KIRREL3: variants seen among roughly 807,000 people sequenced by gnomAD.
KIRREL3 encodes kin of IRRE-like protein 3.
In KIRREL3, 36 loss-of-function variants were observed where a neutral mutation model predicts 89.7. The observed-to-expected ratio is 0.40, with a 90% CI of 0.31 to 0.53. KIRREL3 has a LOEUF of 0.53. KIRREL3 is among the 20% of genes least tolerant of loss of function. The pLI is 0.49. For missense variants in KIRREL3, 864 were observed against 1,056.6 expected (o/e 0.82, Z 2.53); for synonymous variants, 445 against 441.4 (o/e 1.01, Z -0.10).
At position 126,788,075 on chromosome 11, in the gene KIRREL3, G is replaced by A. The variant is rs562707989; in HGVS notation, c.55+212380C>T. Reference sequence around the variant, plus strand: ...TGATCCATGACCAACTTGGTAGCCCGGCTCTGGAGCCCATACTCTTAGCCA... The same window carrying A: ...TGATCCATGACCAACTTGGTAGCCCAGCTCTGGAGCCCATACTCTTAGCCA... On this transcript the variant is annotated intron_variant, in intron 1 of 16. Transcript: ENST00000525144. This position sits in a 1 kb window ranked among gnomAD's most constrained non-coding sequence, Gnocchi z 4.1. Among the ~76,000 whole-genome samples, 4 of 152,246 alleles carry A rather than the reference G, an allele frequency of 2.6e-5. No homozygotes were observed. The highest frequency in any genetic ancestry group is 1.9e-4 in the East Asian group (1 of 5,182).
chr11:126,861,498 G>A (rs1195369745), intron 1 of KIRREL3, among the ~76,000 whole-genome samples: 2 of 152,170 alleles, frequency 1.3e-5, no homozygotes, highest in East Asian at 1.9e-4. Flanking sequence ...GAACCTACAC[G>A]GTAGCCAGTT....
Position 126,772,023 on chromosome 11 carries a change from C to T in KIRREL3, c.56-209111G>A, listed in dbSNP as rs1950034236. Among the ~76,000 whole-genome samples, 1 of 152,192 alleles carries T rather than the reference C, an allele frequency of 6.6e-6. No homozygotes were observed. Among genetic ancestry groups the T allele is most frequent in the South Asian group, 2.1e-4 (1 of 4,826 alleles). ...TGTCTGAGGTAGAGGAGAGGAGGCA[C>T]TGTCGGGAAACCATGACCTTTCCAC... On this transcript the variant is annotated intron_variant, in intron 1 of 16. Transcript: ENST00000525144. The surrounding 1 kb of genome is among the most constrained non-coding windows in gnomAD (Gnocchi z 4.6).
Position 126,508,508 on chromosome 11 carries a change from C to T in KIRREL3, c.433+12807G>A, listed in dbSNP as rs534382019. On this transcript the variant is annotated intron_variant, in intron 4 of 16. Transcript: ENST00000525144. This position sits in a 1 kb window ranked among gnomAD's most constrained non-coding sequence, Gnocchi z 4.9. Reference sequence around the variant, plus strand: ...GAAGCCTTGGGTTTGCTCTTCGAGCCGACTCCCCGATTCCATGAGCCCTGG... The same window carrying T: ...GAAGCCTTGGGTTTGCTCTTCGAGCTGACTCCCCGATTCCATGAGCCCTGG... Among the ~76,000 whole-genome samples the T allele has an allele frequency of 1.3e-5, 2 of 152,170 alleles. No individual in the cohort carries two copies. The highest frequency in any genetic ancestry group is 1.9e-4 in the East Asian group (1 of 5,164).
rs926093461 is a variant in KIRREL3 at position 126,904,156 on chromosome 11, C to T, written c.55+96299G>A. ...AAAAACTGCCTCACTCTAAGAGAAC[C>T]ATACCCTTTGAAGCCTCTTTTTAAC... On this transcript the variant is annotated intron_variant, in intron 1 of 16. Coordinates refer to ENST00000525144, the MANE Select transcript of KIRREL3 (RefSeq NM_032531.4). This position sits in a 1 kb window ranked among gnomAD's most constrained non-coding sequence, Gnocchi z 4.4. 6.6e-6 allele frequency among the ~76,000 whole-genome samples: 1 copy of T among 152,184 alleles called. No individual in the cohort carries two copies. The highest frequency in any genetic ancestry group is 2.4e-5 in the African/African-American group (1 of 41,448).
At chr11:126,902,850 C>G (rs1194737260) in intron 1 of KIRREL3, among the ~76,000 whole-genome samples, 1 of 152,166 alleles carries the variant, frequency 6.6e-6, no homozygotes, top group Non-Finnish European at 1.5e-5. Context: ...AATCACATTT[C>G]CTTCTGAGGC....
chr11:126,445,886 C>T (rs370070463), intron 9 of KIRREL3, among the ~76,000 whole-genome samples: 26 of 152,282 alleles, frequency 1.7e-4, no homozygotes, highest in African/African-American at 4.6e-4. Context: ...CGGTGGCTCA[C>T]GCCTGTAATC....
chr11:126,910,661 C>T (rs779964308), intron 1 of KIRREL3, among the ~76,000 whole-genome samples: 2 of 152,198 alleles, frequency 1.3e-5, no homozygotes, highest in Non-Finnish European at 2.9e-5. Context: ...AGTTTCTCCA[C>T]CCCTTTAGGA....
At chr11:126,889,516 G>GA (rs754432201) in intron 1 of KIRREL3, among the ~76,000 whole-genome samples, 1 of 152,030 alleles carries the variant, frequency 6.6e-6, no homozygotes, top group South Asian at 2.1e-4. Flanking sequence ...AAAAGGAGAA[G>GA]AAAAAAAGTC....
chr11:126,848,379 T>C (rs910410800), intron 1 of KIRREL3, among the ~76,000 whole-genome samples: 1 of 152,232 alleles, frequency 6.6e-6, no homozygotes, highest in African/African-American at 2.4e-5. Context: ...AAAATTATGT[T>C]TCAAGAACTA....
chr11:126,586,740 G>T (rs111813368), intron 1 of KIRREL3, among the ~76,000 whole-genome samples: 1 of 151,954 alleles, frequency 6.6e-6, no homozygotes, highest in East Asian at 1.9e-4. Flanking sequence ...TTGAAGTAGC[G>T]GATACAAGGT....
In KIRREL3 at chr11:126,486,734, G is replaced by A. The variant is rs1957370820; in HGVS notation, c.434-13268C>T. 6.6e-6 allele frequency among the ~76,000 whole-genome samples: 1 copy of A among 152,220 alleles called. No homozygotes were observed. The highest frequency in any genetic ancestry group is 1.5e-5 in the Non-Finnish European group (1 of 68,032). On this transcript the variant is annotated intron_variant, in intron 4 of 16. Coordinates refer to ENST00000525144, the MANE Select transcript of KIRREL3 (RefSeq NM_032531.4). The surrounding 1 kb of genome is among the most constrained non-coding windows in gnomAD (Gnocchi z 6.2). ...TTGGGGCAAGTCACGCAACTGGCAA[G>A]GACTCTGGCTCAGATCCTGCTGCCC...
At position 126,956,543 on chromosome 11, in the gene KIRREL3, T is replaced by A. The variant is rs527791380; in HGVS notation, c.55+43912A>T. Among the ~76,000 whole-genome samples, 20 of 152,296 alleles carry A rather than the reference T, an allele frequency of 1.3e-4. No individual in the cohort carries two copies. In the South Asian group the frequency reaches 3.9e-3, roughly 30 times the overall value. ...CTGGAGAGGAAGTTTTCTTTAGAAA[T>A]ATCCACAAGAAGCAGCAGCCCAAGG... On this transcript the variant is annotated intron_variant, in intron 1 of 16. Transcript: ENST00000525144.
intron 1 of KIRREL3, among the ~76,000 whole-genome samples, chr11:126,855,708 T>C (rs1464544315): frequency 7.2e-5 from 11 of 152,240 alleles, no homozygotes; most frequent in Non-Finnish European, 7.3e-5. Context: ...TTTCCAGTCC[T>C]GAGAGCTTAT....
chr11:126,739,779 T>C lies in KIRREL3; in HGVS notation c.56-176867A>G, dbSNP rs543938209. ...AGCCAACACTGCAAATCAGGCAGCA[T>C]GTATCAGAGTTTAAAAACCTCAGGG... is the stretch of plus-strand genomic sequence containing the variant. On this transcript the variant is annotated intron_variant, in intron 1 of 16. Transcript: ENST00000525144. The surrounding 1 kb of genome is among the most constrained non-coding windows in gnomAD (Gnocchi z 5.5). Among the ~76,000 whole-genome samples the C allele has an allele frequency of 1.3e-5, 2 of 152,298 alleles. No homozygotes were observed. Among genetic ancestry groups the C allele is most frequent in the East Asian group, 3.9e-4 (2 of 5,182 alleles).
intron 1 of KIRREL3, among the ~76,000 whole-genome samples, chr11:126,863,473 G>GCGTGTGTA (rs1944792960): frequency 1.1e-5 from 1 of 88,652 alleles, no homozygotes; most frequent in Non-Finnish European, 2.3e-5. Context: ...GTGTGTGTGT[G>GCGTGTGTA]AGTGCGTGTG....
rs1048000011 is a variant in KIRREL3 at position 126,994,529 on chromosome 11, T to G, written c.55+5926A>C. Among the ~76,000 whole-genome samples, 2 of 152,228 alleles carry G rather than the reference T, an allele frequency of 1.3e-5. No homozygotes were observed. Among genetic ancestry groups the G allele is most frequent in the African/African-American group, 4.8e-5 (2 of 41,452 alleles). Reference sequence around the variant, plus strand: ...AAACATTGTATGCTTATGGAAGACATTTGTTTCCAAGCAGCTTATGCTAAA... The same window carrying G: ...AAACATTGTATGCTTATGGAAGACAGTTGTTTCCAAGCAGCTTATGCTAAA... On this transcript the variant is annotated intron_variant, in intron 1 of 16. Transcript: ENST00000525144. This position sits in a 1 kb window ranked among gnomAD's most constrained non-coding sequence, Gnocchi z 5.2.
At chr11:126,667,177 G>T (rs1395696151) in intron 1 of KIRREL3, among the ~76,000 whole-genome samples, 6 of 152,212 alleles carry the variant, frequency 3.9e-5, no homozygotes, top group Non-Finnish European at 7.3e-5. Context: ...AATAAAAAAA[G>T]AAGACAATCA....
Position 126,790,832 on chromosome 11 carries a change from C to A in KIRREL3, c.55+209623G>T, listed in dbSNP as rs139155065. 5.0e-3 allele frequency among the ~76,000 whole-genome samples: 765 copies of A among 152,270 alleles called. 9 individuals carry two copies. Among genetic ancestry groups the A allele is most frequent in the African/African-American group, 0.018 (730 of 41,544 alleles). On this transcript the variant is annotated intron_variant, in intron 1 of 16. Coordinates refer to ENST00000525144, the MANE Select transcript of KIRREL3 (RefSeq NM_032531.4). ...GCGCTCTTCCCCCATCTCTGTCCTGCATCTACCACAAGCTGGGCTTTGCCA... is the reference window on the plus strand; with the variant it reads ...GCGCTCTTCCCCCATCTCTGTCCTGAATCTACCACAAGCTGGGCTTTGCCA...
In KIRREL3 at chr11:126,522,235, GAGAC is replaced by G. The variant is rs1958621756; in HGVS notation, c.284-775_284-772del. On this transcript the variant is annotated intron_variant, in intron 3 of 16. Coordinates refer to ENST00000525144, the MANE Select transcript of KIRREL3 (RefSeq NM_032531.4). The surrounding 1 kb of genome is among the most constrained non-coding windows in gnomAD (Gnocchi z 6.0). ...TGATAAGATAGAGAGGAGAGAGAGA[GAGAC>G]AGACAGACAGAGAGACCCAGGCTGA... Among the ~76,000 whole-genome samples, 1 of 152,184 alleles carries G rather than the reference GAGAC, an allele frequency of 6.6e-6. No homozygotes were observed.
Sources: gnomAD v4.1 joint callset for allele counts (sites outside exome capture counted in the v4.1 genomes callset) on GRCh38, gnomAD v4.1.1 for gene constraint, Gnocchi (gnomAD v3.1) non-coding constraint, MANE v1.5 for transcripts, NCBI Gene and HGNC (gene_info 2026-07-23, HGNC 2026-07-21) for gene names.